Variants in CSNK1G3 observed in about 807,000 individuals in gnomAD.
CSNK1G3 encodes casein kinase I isoform gamma-3.
In CSNK1G3, 23 loss-of-function variants were observed where a neutral mutation model predicts 64.3. The ratio of observed to expected loss-of-function variants is 0.36; its 90% CI spans 0.26 to 0.51. The LOEUF (loss-of-function observed/expected upper bound fraction) is 0.51, where lower values mean the gene tolerates loss of function less well. Ranked by LOEUF, CSNK1G3 falls within the 20% of genes least tolerant of loss-of-function variation. CSNK1G3 has a pLI of 0.96. For synonymous variants in CSNK1G3, 158 were observed against 162.2 expected (o/e 0.97, Z 0.20); for missense variants, 357 against 510.5 (o/e 0.70, Z 2.90).
intron 1 of CSNK1G3, among the ~76,000 whole-genome samples, chr5:123,538,837 G>A (rs1395569077): frequency 6.6e-6 from 1 of 152,028 alleles, no homozygotes; most frequent in Non-Finnish European, 1.5e-5. Context: ...GTTTTTTAAA[G>A]CTATCATTTG....
intron 2 of CSNK1G3, among the ~76,000 whole-genome samples, chr5:123,550,535 G>A (rs1318562577): frequency 1.3e-5 from 2 of 152,054 alleles, no homozygotes; most frequent in Non-Finnish European, 2.9e-5. Context: ...GCTATTGGTG[G>A]GTAAATAGTT....
chr5:123,593,232 T>C (rs932158767), intron 10 of CSNK1G3, among the ~76,000 whole-genome samples: 10 of 128,278 alleles, frequency 7.8e-5, no homozygotes, highest in African/African-American at 8.8e-5. Context: ...CACACACATA[T>C]ATATAATATT....
At chr5:123,596,138 C>G (rs1039904593) in intron 10 of CSNK1G3, among the ~76,000 whole-genome samples, 5 of 151,942 alleles carry the variant, frequency 3.3e-5, no homozygotes, top group African/African-American at 1.2e-4. Context: ...TATGAGCCCT[C>G]ACGTTTTTCT....
intron 1 of CSNK1G3, among the ~76,000 whole-genome samples, chr5:123,521,557 G>T (rs1157312557): frequency 9.2e-5 from 14 of 152,176 alleles, no homozygotes; most frequent in South Asian, 2.1e-4. Context: ...AATGAAGGTG[G>T]TTTTTTTAAG....
At chr5:123,528,229 C>T (rs913241602) in intron 1 of CSNK1G3, among the ~76,000 whole-genome samples, 5 of 152,096 alleles carry the variant, frequency 3.3e-5, no homozygotes, top group African/African-American at 1.2e-4. Context: ...GTTGAAATCA[C>T]TGTGTAAATG....
At chr5:123,595,968 T>C (rs1793368814) in intron 10 of CSNK1G3, among the ~76,000 whole-genome samples, 1 of 152,106 alleles carries the variant, frequency 6.6e-6, no homozygotes, top group South Asian at 2.1e-4. Flanking sequence ...AGAATTTTTT[T>C]TACATTTTCA....
intron 1 of CSNK1G3, among the ~76,000 whole-genome samples, chr5:123,542,521 CTTG>C (rs1200076491): frequency 1.3e-5 from 2 of 152,062 alleles, no homozygotes; most frequent in Non-Finnish European, 2.9e-5. Flanking sequence ...AAAAGCATTT[CTTG>C]TTGTGCAGGT....
intron 2 of CSNK1G3, among the ~76,000 whole-genome samples, chr5:123,552,648 TA>T (rs143059687): frequency 0.023 from 3,579 of 152,340 alleles, 162 homozygotes; most frequent in African/African-American, 0.082. Context: ...ATTTTATGTT[TA>T]TTTAATATAC....
chr5:123,580,550 T>C (rs1790050079), intron 6 of CSNK1G3, among the ~76,000 whole-genome samples: 1 of 151,942 alleles, frequency 6.6e-6, no homozygotes, highest in Non-Finnish European at 1.5e-5. Context: ...TGATAAAGCT[T>C]TATGTTACAG....
intron 4 of CSNK1G3, among the ~76,000 whole-genome samples, chr5:123,558,263 G>A (rs995074960): frequency 2.6e-5 from 4 of 152,162 alleles, no homozygotes; most frequent in African/African-American, 4.8e-5. Context: ...GCAGCCGTAG[G>A]CAACTAATAT....
At chr5:123,588,611 AAAAG>A in intron 8 of CSNK1G3, 100 bp downstream of exon 8, 1 of 767,004 alleles carries the variant, frequency 1.3e-6, no homozygotes, top group Non-Finnish European at 2.2e-6. Flanking sequence ...GCTTAAAAAA[AAAAG>A]AGCTAAAAAT....
At chr5:123,600,713 G>A (rs1794331684) in intron 10 of CSNK1G3, among the ~76,000 whole-genome samples, 1 of 151,338 alleles carries the variant, frequency 6.6e-6, no homozygotes, top group African/African-American at 2.4e-5. Context: ...TACATTAATT[G>A]ATTTTAAAAA....
At chr5:123,595,672 G>A (rs1322467832) in intron 10 of CSNK1G3, among the ~76,000 whole-genome samples, 2 of 151,994 alleles carry the variant, frequency 1.3e-5, no homozygotes, top group African/African-American at 4.8e-5. Flanking sequence ...AATAAGAAGT[G>A]TTTATTAAAT....
At chr5:123,572,740 C>G (rs560839584) in intron 4 of CSNK1G3, among the ~76,000 whole-genome samples, 3 of 152,218 alleles carry the variant, frequency 2.0e-5, no homozygotes, top group Non-Finnish European at 4.4e-5. Context: ...AGGAGAGTTT[C>G]TCTGCTGTTT....
At chr5:123,561,738 A>C (rs1269172594) in intron 4 of CSNK1G3, among the ~76,000 whole-genome samples, 1 of 152,178 alleles carries the variant, frequency 6.6e-6, no homozygotes, top group Non-Finnish European at 1.5e-5. Flanking sequence ...GCTGGAATTG[A>C]GTTCCCTACC....
chr5:123,570,468 C>T (rs1787876159), intron 4 of CSNK1G3, among the ~76,000 whole-genome samples: 1 of 151,720 alleles, frequency 6.6e-6, no homozygotes, highest in Non-Finnish European at 1.5e-5. Context: ...GTTCTCCTGC[C>T]TCAGCCTCCC....
intron 1 of CSNK1G3, among the ~76,000 whole-genome samples, chr5:123,519,792 T>A (rs1777771301): frequency 1.3e-5 from 2 of 152,180 alleles, no homozygotes; most frequent in African/African-American, 4.8e-5. Flanking sequence ...CATAGGAAGA[T>A]TGAAATGCTC....
intron 10 of CSNK1G3, 29 bp from the exon 12 acceptor site, chr5:123,604,695 C>T: frequency 7.7e-7 from 1 of 1,303,362 alleles, no homozygotes; most frequent in Non-Finnish European, 1.1e-6. Context: ...TGTACATATA[C>T]ATATATAAAA....
intron 6 of CSNK1G3, among the ~76,000 whole-genome samples, chr5:123,579,291 GTT>G (rs11299582): frequency 0.023 from 3,332 of 142,038 alleles, 69 homozygotes; most frequent in African/African-American, 0.052. Flanking sequence ...TAAATTTGCT[GTT>G]TTTTTTTTTT....
Sources: gnomAD v4.1 joint callset for allele counts (sites outside exome capture counted in the v4.1 genomes callset) on GRCh38, gnomAD v4.1.1 for gene constraint, MANE v1.5 for transcripts, NCBI Gene and HGNC (gene_info 2026-07-23, HGNC 2026-07-21) for gene names.